The following CALN1 variants were observed in gnomAD, a reference collection of about 807,000 sequenced individuals.
CALN1 encodes the protein calneuron 1.
A neutral mutation model predicts 30.6 loss-of-function variants in CALN1; 17 were observed. The observed-to-expected ratio is 0.56, with a 90% CI of 0.38 to 0.83. The LOEUF (loss-of-function observed/expected upper bound fraction) is 0.83. Ranked by LOEUF, CALN1 falls within the 40% of genes least tolerant of loss-of-function variation. The pLI, the probability that CALN1 is intolerant of heterozygous loss-of-function variation, is 0.00. For missense variants in CALN1, 291 were observed against 354.9 expected (o/e 0.82, Z 1.45); for synonymous variants, 156 against 131.4 (o/e 1.19, Z -1.28).
At chr7:72,349,168 T>TA (rs1385692804) in intron 2 of CALN1, among the ~76,000 whole-genome samples, 4 of 152,054 alleles carry the variant, frequency 2.6e-5, no homozygotes, top group East Asian at 1.9e-4. Context: ...GAATGCTGGC[T>TA]AAAAAAATCT....
chr7:72,033,973 C>T (rs577117131), intron 4 of CALN1, among the ~76,000 whole-genome samples: 8 of 152,138 alleles, frequency 5.3e-5, no homozygotes, highest in South Asian at 2.1e-4. Context: ...ATGGAACTAA[C>T]GAGACATGGC....
chr7:72,405,349 C>G (rs1806627976), intron 1 of CALN1, among the ~76,000 whole-genome samples: 1 of 152,224 alleles, frequency 6.6e-6, no homozygotes, highest in East Asian at 1.9e-4. Flanking sequence ...TTGTAACACT[C>G]ATAGCCTAGG....
At chr7:72,236,765 A>G (rs780410380) in intron 3 of CALN1, among the ~76,000 whole-genome samples, 2 of 152,194 alleles carry the variant, frequency 1.3e-5, no homozygotes, top group African/African-American at 2.4e-5. Context: ...CTTTAATGAT[A>G]TAGTACAGGT....
chr7:72,478,801 T>C, the CALN1 span, among the ~76,000 whole-genome samples: 1 of 152,220 alleles, frequency 6.6e-6, no homozygotes, highest in South Asian at 2.1e-4. Context: ...ATAGGGCGTA[T>C]ACTGTAGTTT....
At chr7:72,279,469 C>T (rs556141703) in intron 2 of CALN1, among the ~76,000 whole-genome samples, 29 of 152,300 alleles carry the variant, frequency 1.9e-4, no homozygotes, top group African/African-American at 6.5e-4. Flanking sequence ...ACAGGAGTGA[C>T]GCCTTCAGGT....
intron 4 of CALN1, among the ~76,000 whole-genome samples, chr7:72,074,292 C>G (rs937311362): frequency 1.3e-5 from 2 of 152,170 alleles, no homozygotes; most frequent in Non-Finnish European, 2.9e-5. Context: ...AGAGAAGACA[C>G]AGTCTGATAT....
chr7:71,840,772 C>T (rs1038924682), intron 5 of CALN1, among the ~76,000 whole-genome samples: 1 of 151,938 alleles, frequency 6.6e-6, no homozygotes, highest in African/African-American at 2.4e-5. Context: ...TTTTTGTTGG[C>T]ACAGAGGAAA....
chr7:72,365,403 A>G (rs1803820289), intron 2 of CALN1, among the ~76,000 whole-genome samples: 1 of 152,190 alleles, frequency 6.6e-6, no homozygotes, highest in Non-Finnish European at 1.5e-5. Context: ...GAAAACAACA[A>G]TAAACAACTA....
intron 5 of CALN1, among the ~76,000 whole-genome samples, chr7:71,868,359 A>G (rs67366811): frequency 0.24 from 36,060 of 149,494 alleles, 4,607 homozygotes; most frequent in African/African-American, 0.31. Context: ...GAGGGGAGGA[A>G]GTGCTACACA....
intron 5 of CALN1, among the ~76,000 whole-genome samples, chr7:71,891,966 A>T (rs111337536): frequency 0.033 from 5,052 of 152,240 alleles, 265 homozygotes; most frequent in African/African-American, 0.11. Flanking sequence ...ATAAAAAAAA[A>T]AATAACAAGT....
chr7:71,809,384 C>T (rs949193592), intron 6 of CALN1, among the ~76,000 whole-genome samples: 2 of 141,196 alleles, frequency 1.4e-5, no homozygotes, highest in African/African-American at 5.3e-5. Context: ...GAGACAGCTA[C>T]AAGACCAGGC....
At chr7:71,801,378 A>ATGTG (rs1787290203) in intron 6 of CALN1, among the ~76,000 whole-genome samples, 1 of 67,912 alleles carries the variant, frequency 1.5e-5, no homozygotes, top group South Asian at 6.8e-4. Context: ...ATGCCTGGTT[A>ATGTG]TGTATGTATG....
At chr7:72,328,067 C>A (rs1020784973) in intron 2 of CALN1, among the ~76,000 whole-genome samples, 2 of 152,028 alleles carry the variant, frequency 1.3e-5, no homozygotes, top group Non-Finnish European at 2.9e-5. Context: ...AAGAAAGGTG[C>A]CTTCCAAGTT....
At chr7:72,321,960 C>G (rs1165215138) in intron 2 of CALN1, among the ~76,000 whole-genome samples, 1 of 152,132 alleles carries the variant, frequency 6.6e-6, no homozygotes, top group Non-Finnish European at 1.5e-5. Context: ...TTTTTGGCAC[C>G]AAGGACCAGT....
intron 4 of CALN1, among the ~76,000 whole-genome samples, chr7:72,044,598 A>ATTTTTTTTTTTTTTTTTTT (rs1563005478): frequency 8.7e-6 from 1 of 114,436 alleles, no homozygotes; most frequent in African/African-American, 3.5e-5. Context: ...TCCGCTTAAA[A>ATTTTTTTTTTTTTTTTTTT]CTTTTTTTTT....
At chr7:71,880,311 A>G (rs1478833167) in intron 5 of CALN1, among the ~76,000 whole-genome samples, 2 of 152,178 alleles carry the variant, frequency 1.3e-5, no homozygotes, top group African/African-American at 4.8e-5. Flanking sequence ...GGTTGAAGCT[A>G]TGTCCTCTTC....
intron 2 of CALN1, among the ~76,000 whole-genome samples, chr7:72,281,101 G>A (rs1003886933): frequency 3.3e-5 from 5 of 151,756 alleles, no homozygotes; most frequent in African/African-American, 4.8e-5. Context: ...CTGAAACCAT[G>A]CCATTGCTCT....
At chr7:72,304,455 C>A (rs1477118922) in intron 2 of CALN1, among the ~76,000 whole-genome samples, 3 of 151,994 alleles carry the variant, frequency 2.0e-5, no homozygotes, top group African/African-American at 2.4e-5. Flanking sequence ...CCAGCCTGGG[C>A]AACAACAGGA....
intron 2 of CALN1, among the ~76,000 whole-genome samples, chr7:72,356,545 G>A (rs1456174757): frequency 6.6e-6 from 1 of 151,800 alleles, no homozygotes; most frequent in Non-Finnish European, 1.5e-5. Context: ...AATAATAAAA[G>A]AATGTAAAAC....
Sources: gnomAD v4.1 joint callset for allele counts (sites outside exome capture counted in the v4.1 genomes callset) on GRCh38, gnomAD v4.1.1 for gene constraint, MANE v1.5 for transcripts, NCBI Gene and HGNC (gene_info 2026-07-23, HGNC 2026-07-21) for gene names.